The following PTCHD1 variants were observed in gnomAD, a reference collection of about 807,000 sequenced individuals.
PTCHD1 encodes patched domain containing 1.
Under a neutral mutation model 34.6 loss-of-function variants are expected in PTCHD1, and 3 were observed. The observed-to-expected ratio is 0.09, with a 90% CI of 0.04 to 0.22. The LOEUF (loss-of-function observed/expected upper bound fraction) is 0.22. Ranked by LOEUF, PTCHD1 falls within the 10% of genes least tolerant of loss-of-function variation. PTCHD1 has a pLI of 1.00. For missense variants in PTCHD1, 504 were observed against 685.5 expected, an observed-to-expected ratio of 0.74 and a Z score of 2.96; for synonymous variants, 305 against 283.1, an observed-to-expected ratio of 1.08 and a Z score of -0.77.
At chrX:23,386,467 G>C (rs1922689113) in intron 2 of PTCHD1, among the ~76,000 whole-genome samples, 1 of 111,851 alleles carries the variant, frequency 8.9e-6, no homozygotes, top group Non-Finnish European at 1.9e-5. Flanking sequence ...GACAAAACAG[G>C]CTGCAATAAA....
chrX:23,373,474 T>C (rs1227050158), intron 1 of PTCHD1, among the ~76,000 whole-genome samples: 1 of 112,825 alleles, frequency 8.9e-6, no homozygotes, highest in Non-Finnish European at 1.9e-5. Flanking sequence ...AAATTTGGTG[T>C]CCTCTGGAAA....
chrX:23,351,297 G>A, intron 1 of PTCHD1: 1 of 856,191 alleles, frequency 1.2e-6, no homozygotes. Context: ...AAAAGATGTT[G>A]GACAACTTAC....
intron 1 of PTCHD1, among the ~76,000 whole-genome samples, chrX:23,378,431 C>T (rs910253840): frequency 8.9e-6 from 1 of 112,252 alleles, no homozygotes; most frequent in South Asian, 3.7e-4. Flanking sequence ...TTATCTTAGA[C>T]AGTAGATTAC....
rs1239683050 is a variant in PTCHD1, at chrX:23,403,223, A to T, written c.*9038A>T. 8.9e-6 allele frequency: 1 copy of T among 112,070 alleles called. No individual in the cohort carries two copies. The highest frequency in any genetic ancestry group is 1.9e-5 in the Non-Finnish European group (1 of 53,192). The allele number at this position is 112,070 out of a possible 1,213,427, so 9.2% of individuals were successfully genotyped here. A position where few individuals can be genotyped will look rare whatever the true frequency, so the allele number is the denominator to read the frequency against. On this transcript the variant is annotated 3_prime_UTR_variant, in exon 3 of 3. Coordinates refer to ENST00000379361, the MANE Select transcript of PTCHD1 (RefSeq NM_173495.3). ...AGAAACCTTATCATCTGTTCCTCCA[A>T]AAAGACCCCATAGTTAATGTTGTGT...
intron 1 of PTCHD1, among the ~76,000 whole-genome samples, chrX:23,350,575 G>T (rs933382443): frequency 8.9e-6 from 1 of 111,916 alleles, no homozygotes; most frequent in African/African-American, 3.2e-5. Flanking sequence ...TCAGGAGGCA[G>T]ATGGAAATTA....
At chrX:23,390,748 C>T (rs1387497384) in intron 2 of PTCHD1, among the ~76,000 whole-genome samples, 2 of 111,681 alleles carry the variant, frequency 1.8e-5, no homozygotes, top group East Asian at 2.8e-4. Context: ...AGGTATGAGG[C>T]CAGGACTTCA....
intron 1 of PTCHD1, among the ~76,000 whole-genome samples, chrX:23,339,727 C>T (rs1042553263): frequency 1.8e-5 from 2 of 112,174 alleles, no homozygotes; most frequent in Non-Finnish European, 3.8e-5. Flanking sequence ...ATCTAAGGAT[C>T]AGCAAATTTC....
chrX:23,379,608 C>T lies in PTCHD1; in HGVS notation c.369C>T (p.Thr123=). 8.3e-7 allele frequency: 1 copy of T among 1,211,443 alleles called. No individual in the cohort carries two copies. Among genetic ancestry groups the T allele is most frequent in the Non-Finnish European group, 1.1e-6 (1 of 895,250 alleles). ...CCCCACAGTTGCATGCTGCTGTCACCAAGATCCAGGTTCCAAGGCCTGGTT... is the reference window on the plus strand; with the variant it reads ...CCCCACAGTTGCATGCTGCTGTCACTAAGATCCAGGTTCCAAGGCCTGGTT... ...DLILKLHAAV[T]KIQVPRPGFN... is the part of the protein sequence containing the mutation. Residue 123 remains threonine (T), a synonymous_variant, in exon 2 of 3, where the codon ACC becomes ACT. Coordinates refer to ENST00000379361, the MANE Select transcript of PTCHD1 (RefSeq NM_173495.3).
intron 1 of PTCHD1, 150 bp downstream of exon 1, chrX:23,335,376 G>A (rs1339712376): frequency 2.9e-5 from 14 of 488,100 alleles, no homozygotes; most frequent in African/African-American, 9.6e-5. Flanking sequence ...CAGGGCGGCC[G>A]ACTGGAGCCT....
At chrX:23,363,186 T>C (rs1197015001) in intron 1 of PTCHD1, among the ~76,000 whole-genome samples, 4 of 112,659 alleles carry the variant, frequency 3.6e-5, no homozygotes, top group African/African-American at 1.3e-4. Context: ...TCTTCAGAGC[T>C]GTCAGTCAGG....
At chrX:23,381,189 G>C (rs1001309860) in intron 2 of PTCHD1, among the ~76,000 whole-genome samples, 3 of 112,391 alleles carry the variant, frequency 2.7e-5, no homozygotes, top group African/African-American at 9.7e-5. Context: ...GATGGTGACA[G>C]CGTGCTTCCA....
At chrX:23,367,294 A>C (rs926085132) in intron 1 of PTCHD1, among the ~76,000 whole-genome samples, 1 of 111,626 alleles carries the variant, frequency 9.0e-6, no homozygotes, top group Non-Finnish European at 1.9e-5. Context: ...AAAGCAAAAA[A>C]CCTCTGGCCT....
At chrX:23,392,253 G>A (rs1922857044) in intron 2 of PTCHD1, among the ~76,000 whole-genome samples, 1 of 108,644 alleles carries the variant, frequency 9.2e-6, no homozygotes, top group Non-Finnish European at 1.9e-5. Context: ...AGTGCTGTTT[G>A]TTTGGTGGAA....
chrX:23,335,243 G>A lies in PTCHD1; in HGVS notation c.351+17G>A. 1 of 1,170,578 alleles carries A rather than the reference G, an allele frequency of 8.5e-7. No homozygotes were observed. Among genetic ancestry groups the A allele is most frequent in the Non-Finnish European group, 1.2e-6 (1 of 858,610 alleles). ...ATCTTAAAGGTGAGAGGGGACGGGT[G>A]CGGGCAGACTCCGCCAGCGCCGCGG... is the stretch of plus-strand genomic sequence containing the variant. On this transcript the variant is annotated intron_variant, in intron 1 of 2. Coordinates refer to ENST00000379361, the MANE Select transcript of PTCHD1 (RefSeq NM_173495.3).
At chrX:23,377,784 C>G (rs1025814823) in intron 1 of PTCHD1, among the ~76,000 whole-genome samples, 6 of 111,585 alleles carry the variant, frequency 5.4e-5, no homozygotes, top group Non-Finnish European at 1.1e-4. Flanking sequence ...ACTTTGACAG[C>G]TAGTGCCCCT....
At position 23,395,280 on chromosome X, in the gene PTCHD1, G is replaced by A. The variant is rs1922959526; in HGVS notation, c.*1095G>A. ...TATTTGCTGTTGCTTCCAACTTGTA[G>A]TGCCAGTCTGCCTTTGCTGTGAAAC... On this transcript the variant is annotated 3_prime_UTR_variant, in exon 3 of 3. Coordinates refer to ENST00000379361, the MANE Select transcript of PTCHD1 (RefSeq NM_173495.3). The A allele has an allele frequency of 8.9e-6, 1 of 112,563 alleles. No individual in the cohort carries two copies. Among genetic ancestry groups the A allele is most frequent in the African/African-American group, 3.2e-5 (1 of 30,955 alleles). 9.3% of individuals were successfully genotyped at this position (112,563 alleles called of 1,213,427 possible).
chrX:23,334,461 G>C (rs1446697607), upstream of PTCHD1: 2 of 109,913 alleles, frequency 1.8e-5, no homozygotes, highest in African/African-American at 6.6e-5. Context: ...TTGGGGGTCG[G>C]GTGAGTGGGG....
At chrX:23,370,413 G>T (rs955023776) in intron 1 of PTCHD1, among the ~76,000 whole-genome samples, 1 of 112,173 alleles carries the variant, frequency 8.9e-6, no homozygotes, top group Admixed American at 9.4e-5. Flanking sequence ...CCTCTTTTCA[G>T]ATCAGGAAAG....
intron 1 of PTCHD1, among the ~76,000 whole-genome samples, chrX:23,356,826 G>A (rs1463797905): frequency 8.9e-6 from 1 of 111,738 alleles, no homozygotes; most frequent in African/African-American, 3.3e-5. Context: ...GGGTGAAGGT[G>A]CCAGCTACAT....
Sources: gnomAD v4.1 joint callset for allele counts (sites outside exome capture counted in the v4.1 genomes callset) on GRCh38, gnomAD v4.1.1 for gene constraint, MANE v1.5 for transcripts, NCBI Gene and HGNC (gene_info 2026-07-23, HGNC 2026-07-21) for gene names.